Variants in BRSK2 observed in about 807,000 individuals in gnomAD.
BRSK2 encodes the protein serine/threonine-protein kinase BRSK2.
In BRSK2, 19 loss-of-function variants were observed where a neutral mutation model predicts 83.3. The observed-to-expected ratio is 0.23, with a 90% CI of 0.16 to 0.33. BRSK2 has a LOEUF of 0.33. BRSK2 is among the 10% of genes least tolerant of loss of function. The pLI is 1.00. For missense variants in BRSK2, 798 were observed against 1,042.3 expected (o/e 0.77, Z 3.23); for synonymous variants, 519 against 435.4 (o/e 1.19, Z -2.39).
chr11:1,450,533 C>G, intron 13 of BRSK2, 54 bp from the exon 14 acceptor site: 3 of 911,302 alleles, frequency 3.3e-6, no homozygotes, highest in Non-Finnish European at 3.3e-6. Context: ...GGTGCCCCCC[C>G]GGCCCCCACC....
chr11:1,445,142 C>T (rs1010512149), intron 9 of BRSK2, 140 bp downstream of exon 9: 62 of 1,464,950 alleles, frequency 4.2e-5, no homozygotes, highest in South Asian at 1.1e-4. Context: ...GCGCTGGGTG[C>T]GGGGTGCGGG....
chr11:1,435,779 G>A (rs1156280583), intron 1 of BRSK2, among the ~76,000 whole-genome samples: 1 of 151,752 alleles, frequency 6.6e-6, no homozygotes, highest in Admixed American at 6.6e-5. Context: ...TTGGGATGGG[G>A]AGAGGGCGAG....
chr11:1,440,107 C>T (rs373492595), intron 3 of BRSK2, among the ~76,000 whole-genome samples: 31 of 152,324 alleles, frequency 2.0e-4, no homozygotes, highest in African/African-American at 5.8e-4. Context: ...GCCTCCCCCC[C>T]GAGCTGGTTC....
chr11:1,448,499 C>T (rs891948548), intron 12 of BRSK2, among the ~76,000 whole-genome samples: 2 of 152,216 alleles, frequency 1.3e-5, no homozygotes, highest in African/African-American at 4.8e-5. Flanking sequence ...GCTCAGTGTT[C>T]CCAGCAGCTG....
At chr11:1,418,883 C>T (rs1318765894) in intron 1 of BRSK2, among the ~76,000 whole-genome samples, 1 of 152,268 alleles carries the variant, frequency 6.6e-6, no homozygotes, top group Non-Finnish European at 1.5e-5. Context: ...AGCTCTAACA[C>T]ATATCCAAGG....
intron 1 of BRSK2, among the ~76,000 whole-genome samples, chr11:1,421,767 C>T (rs1172793377): frequency 2.6e-5 from 4 of 151,790 alleles, no homozygotes; most frequent in African/African-American, 4.8e-5. Flanking sequence ...CTGAGGAGGC[C>T]GAAGGGTCGG....
intron 1 of BRSK2, among the ~76,000 whole-genome samples, chr11:1,426,949 T>TG (rs1849303418): frequency 6.6e-6 from 1 of 152,126 alleles, no homozygotes; most frequent in African/African-American, 2.4e-5. Context: ...CACCCCAGGC[T>TG]GTCCCCATAC....
chr11:1,406,281 G>A (rs1206785351), intron 1 of BRSK2, among the ~76,000 whole-genome samples: 1 of 152,194 alleles, frequency 6.6e-6, no homozygotes, highest in Non-Finnish European at 1.5e-5. Context: ...GGCTAACACG[G>A]TGAAACCCCA....
In BRSK2 at chr11:1,438,421, G is replaced by A. The variant is rs563681124; in HGVS notation, c.272+30G>A. On this transcript the variant is annotated intron_variant, in intron 3 of 19. Transcript: ENST00000528841. The surrounding 1 kb of genome is among the most constrained non-coding windows in gnomAD (Gnocchi z 6.4). ...GTATTGCTGGGTCTGAAGAGCTGGG[G>A]TGGCGGAGGTGGCAGCTGTCGCTGC... 113 of 1,599,610 alleles carry A rather than the reference G, an allele frequency of 7.1e-5. 1 individual carries two copies. The South Asian group carries it at 1.1e-3, about 15-fold the overall frequency.
rs1208691782 is a variant in BRSK2 at position 1,460,628 on chromosome 11, G to C, written c.2116G>C (p.Ala706Pro). 1.6e-5 allele frequency: 25 copies of C among 1,530,340 alleles called. No individual in the cohort carries two copies. The highest frequency in any genetic ancestry group is 2.0e-5 in the Non-Finnish European group (23 of 1,143,634). 94.8% of individuals were successfully genotyped at this position (1,530,340 alleles called of 1,614,324 possible). ...CCACGGCCCACTCGGTGACTCCGCG[G>C]CCGCTGGCCCTGGCCCCGGAGGGGA... ...SAHGPLGDSA[A>P]AGPGPGGDAE... The change falls in exon 20 of 20, where the codon GCC (alanine) becomes CCC (proline). Residue 706 changes from alanine to proline, a missense_variant. Physicochemically the swap from Ala to Pro is conservative, Grantham distance 27. This residue lies in a region of BRSK2 where 455 missense variants were observed against 455.2 expected (regional missense o/e 1.00). Coordinates refer to ENST00000528841, the MANE Select transcript of BRSK2 (RefSeq NM_001256627.2).
chr11:1,460,333 C>T lies in BRSK2; in HGVS notation c.1988-167C>T, dbSNP rs1026510468. On this transcript the variant is annotated intron_variant, in intron 19 of 19. Transcript: ENST00000528841. The stretch of plus-strand genomic sequence containing the variant: ...TGCTTGCCGCCCACCGGTCCCCGCT[C>T]GGCCCCATCTCAGCCTCATCTCTGG... 1.2e-4 allele frequency among the ~76,000 whole-genome samples: 19 copies of T among 152,126 alleles called. No individual in the cohort carries two copies. The East Asian group carries it at 1.4e-3, about 11-fold the overall frequency.
At chr11:1,455,729 G>A (rs1443440701) in intron 16 of BRSK2, among the ~76,000 whole-genome samples, 2 of 151,974 alleles carry the variant, frequency 1.3e-5, no homozygotes, top group Non-Finnish European at 2.9e-5. Context: ...TGGTTGCCAC[G>A]GCTAACCTCA....
intron 1 of BRSK2, among the ~76,000 whole-genome samples, chr11:1,391,805 A>G (rs1347808078): frequency 6.6e-6 from 1 of 152,102 alleles, no homozygotes; most frequent in African/African-American, 2.4e-5. Flanking sequence ...TCCCAATAAA[A>G]TGTTATTATA....
Position 1,445,335 on chromosome 11 carries a change from G to T in BRSK2, c.854G>T (p.Arg285Leu). 6.2e-7 allele frequency: 1 copy of T among 1,611,328 alleles called. No homozygotes were observed. The highest frequency in any genetic ancestry group is 8.5e-7 in the Non-Finnish European group (1 of 1,179,284). The change falls in exon 10 of 20, where the codon CGC (arginine) becomes CTC (leucine). Residue 285 changes from arginine to leucine, a missense_variant. Arg to Leu is a moderately radical substitution (Grantham distance 102). Coordinates refer to ENST00000528841, the MANE Select transcript of BRSK2 (RefSeq NM_001256627.2). ...CCCGAACCAGAGCAGCCCATTCCTC[G>T]CAAGGTGCAGATCCGCTCGCTGCCC... is the stretch of plus-strand genomic sequence containing the variant. Reference protein sequence around the residue: ...NEPEPEQPIPRKVQIRSLPSL... With the variant: ...NEPEPEQPIPLKVQIRSLPSL...
intron 1 of BRSK2, among the ~76,000 whole-genome samples, chr11:1,397,391 C>T (rs1379236907): frequency 2.6e-5 from 4 of 152,200 alleles, no homozygotes; most frequent in African/African-American, 9.6e-5. Flanking sequence ...CTCTGAGGGG[C>T]CAGTGTTCTG....
rs377633184 is a variant in BRSK2 at position 1,445,075 on chromosome 11, C to T, written c.812+73C>T. 9.7e-5 allele frequency: 152 copies of T among 1,573,922 alleles called. 1 individual carries two copies. The highest frequency in any genetic ancestry group is 2.3e-4 in the South Asian group (21 of 90,254). ...GGCCTGGAGGCCCTGCTAGGAAAGG[C>T]GGGGGGAGGGCGCCGGCCCAGCGCA... is the stretch of plus-strand genomic sequence containing the variant. On this transcript the variant is annotated intron_variant, in intron 9 of 19. Coordinates refer to ENST00000528841, the MANE Select transcript of BRSK2 (RefSeq NM_001256627.2).
At chr11:1,457,744 C>G (rs1235795385) in intron 18 of BRSK2, among the ~76,000 whole-genome samples, 1 of 152,118 alleles carries the variant, frequency 6.6e-6, no homozygotes, top group Non-Finnish European at 1.5e-5. Flanking sequence ...CAAAGAGGGC[C>G]CCACTGCCCC....
chr11:1,440,957 TC>T, intron 4 of BRSK2, 29 bp downstream of exon 4: 1 of 1,504,866 alleles, frequency 6.6e-7, no homozygotes. Context: ...TGCCCCCCAC[TC>T]CCCAGGGACC....
intron 1 of BRSK2, among the ~76,000 whole-genome samples, chr11:1,420,039 G>A (rs1848497796): frequency 6.6e-6 from 1 of 152,266 alleles, no homozygotes; most frequent in South Asian, 2.1e-4. Flanking sequence ...AGGAAGCCTG[G>A]TTGAGTGCAG....
Sources: gnomAD v4.1 joint callset for allele counts (sites outside exome capture counted in the v4.1 genomes callset) on GRCh38, gnomAD v4.1.1 for gene constraint, gnomAD v4.1.1 regional missense constraint, Gnocchi (gnomAD v3.1) non-coding constraint, MANE v1.5 for transcripts, NCBI Gene and HGNC (gene_info 2026-07-23, HGNC 2026-07-21) for gene names.